Variants in NYAP2 observed in about 807,000 individuals in gnomAD.
NYAP2 encodes the protein neuronal tyrosine-phosphorylated phosphoinositide-3-kinase adapter 2.
In NYAP2, 23 loss-of-function variants were observed where a neutral mutation model predicts 50.4. The observed-to-expected ratio is 0.46, with a 90% confidence interval of 0.33 to 0.65. NYAP2 has a LOEUF of 0.65. Among genes scored for constraint, NYAP2 ranks in the 30% least tolerant of loss-of-function variants. The pLI is 0.02. For synonymous variants in NYAP2, 394 were observed against 365.2 expected (o/e 1.08, Z -0.90); for missense variants, 885 against 861.0 (o/e 1.03, Z -0.35).
chr2:225,606,278 G>T (rs373688625), intron 5 of NYAP2, among the ~76,000 whole-genome samples: 3 of 152,114 alleles, frequency 2.0e-5, no homozygotes, highest in Non-Finnish European at 4.4e-5. Flanking sequence ...AGATCAAAGT[G>T]TCCAGAGGTG....
intron 3 of NYAP2, among the ~76,000 whole-genome samples, chr2:225,481,678 A>T (rs2106165464): frequency 6.6e-6 from 1 of 152,258 alleles, no homozygotes; most frequent in Non-Finnish European, 1.5e-5. Flanking sequence ...AAGTTTGAAA[A>T]ATCACTGAAT....
intron 6 of NYAP2, among the ~76,000 whole-genome samples, chr2:225,639,572 G>T (rs2106265016): frequency 6.6e-6 from 1 of 151,948 alleles, no homozygotes. Context: ...ATGAACTTTG[G>T]GTTTCTGACT....
At chr2:225,398,902 C>T (rs1361604449), upstream of NYAP2, among the ~76,000 whole-genome samples, 7 of 151,938 alleles carry the variant, frequency 4.6e-5, no homozygotes, top group African/African-American at 1.7e-4. Context: ...TATTTTTCCC[C>T]AGATACTTAC....
intron 3 of NYAP2, among the ~76,000 whole-genome samples, chr2:225,501,815 C>A (rs2106178131): frequency 6.6e-6 from 1 of 152,282 alleles, no homozygotes; most frequent in Admixed American, 6.5e-5. Context: ...TACCCACTTT[C>A]CACTTGCTAC....
At chr2:225,640,417 G>A (rs979931998) in intron 6 of NYAP2, among the ~76,000 whole-genome samples, 4 of 152,158 alleles carry the variant, frequency 2.6e-5, no homozygotes, top group Non-Finnish European at 5.9e-5. Context: ...CACTCAGTGA[G>A]AACACTATGA....
intron 6 of NYAP2, among the ~76,000 whole-genome samples, chr2:225,641,810 C>A (rs1248919619): frequency 2.0e-5 from 3 of 151,412 alleles, no homozygotes; most frequent in African/African-American, 7.3e-5. Context: ...CAGAGTGAGA[C>A]TCCATCTCAA....
the NYAP2 span, among the ~76,000 whole-genome samples, chr2:225,677,995 GTTC>G: frequency 6.6e-6 from 1 of 152,098 alleles, no homozygotes; most frequent in Non-Finnish European, 1.5e-5. Flanking sequence ...AATGATGTCA[GTTC>G]TTCTTTGTGC....
intron 3 of NYAP2, among the ~76,000 whole-genome samples, chr2:225,445,453 A>G (rs1207555227): frequency 6.6e-6 from 1 of 152,126 alleles, no homozygotes; most frequent in Non-Finnish European, 1.5e-5. Context: ...AAAATCAGTA[A>G]GCAGATCTTA....
chr2:225,434,674 C>T (rs1041533762), intron 3 of NYAP2, among the ~76,000 whole-genome samples: 1 of 152,148 alleles, frequency 6.6e-6, no homozygotes, highest in Non-Finnish European at 1.5e-5. Flanking sequence ...AGACTGTACA[C>T]TGTCTTATTT....
chr2:225,578,788 G>A (rs892365471), intron 4 of NYAP2, among the ~76,000 whole-genome samples: 25 of 152,084 alleles, frequency 1.6e-4, no homozygotes, highest in African/African-American at 4.1e-4. Context: ...AATGTTCATC[G>A]TTCATCTGTA....
intron 6 of NYAP2, among the ~76,000 whole-genome samples, chr2:225,640,912 A>G (rs1693516213): frequency 6.6e-6 from 1 of 152,208 alleles, no homozygotes; most frequent in Admixed American, 6.5e-5. Context: ...CTTGATAGTA[A>G]TTTCATTCTC....
Position 225,452,896 on chromosome 2 carries a change from C to T in NYAP2, c.221+43795C>T, listed in dbSNP as rs1025779474. ...TTTGGCTTTATCCTTGGCCTCTGGA[C>T]GGCACAGTAACCAAATGCCTGTTTC... On this transcript the variant is annotated intron_variant, in intron 3 of 6. Coordinates refer to ENST00000636099, the Ensembl canonical transcript of NYAP2. 4.6e-5 allele frequency among the ~76,000 whole-genome samples: 7 copies of T among 152,160 alleles called. No homozygotes were observed. The East Asian group carries it at 7.8e-4, about 17-fold the overall frequency.
chr2:225,447,747 G>T (rs546120299), intron 3 of NYAP2, among the ~76,000 whole-genome samples: 1 of 152,184 alleles, frequency 6.6e-6, no homozygotes, highest in South Asian at 2.1e-4. Flanking sequence ...CTTAGAAATG[G>T]CCAGGGAATG....
At chr2:225,625,418 G>A (rs1004420278) in intron 5 of NYAP2, among the ~76,000 whole-genome samples, 4 of 152,136 alleles carry the variant, frequency 2.6e-5, no homozygotes, top group Non-Finnish European at 5.9e-5. Context: ...ATAACTCAAG[G>A]CCTTTCGGGA....
intron 4 of NYAP2, among the ~76,000 whole-genome samples, chr2:225,543,210 T>G (rs1691507568): frequency 6.6e-6 from 1 of 152,036 alleles, no homozygotes; most frequent in African/African-American, 2.4e-5. Flanking sequence ...AAACCAACTT[T>G]CTGTTTCATT....
intron 6 of NYAP2, among the ~76,000 whole-genome samples, chr2:225,631,589 G>A (rs934262617): frequency 5.3e-5 from 8 of 152,156 alleles, no homozygotes; most frequent in Non-Finnish European, 7.4e-5. Flanking sequence ...ATGTGAAAGC[G>A]AAACTCAAAT....
the NYAP2 span, among the ~76,000 whole-genome samples, chr2:225,680,783 AAAAC>A: frequency 2.0e-5 from 3 of 152,192 alleles, no homozygotes; most frequent in Non-Finnish European, 4.4e-5. Context: ...CATTCAGAAA[AAAAC>A]AAAGCATATA....
chr2:225,601,277 C>A (rs552400368), intron 5 of NYAP2, among the ~76,000 whole-genome samples: 1 of 151,942 alleles, frequency 6.6e-6, no homozygotes, highest in African/African-American at 2.4e-5. Context: ...TGTGCCACCA[C>A]GACCAGCTAA....
intron 4 of NYAP2, among the ~76,000 whole-genome samples, chr2:225,565,570 G>C (rs935255860): frequency 6.6e-6 from 1 of 152,156 alleles, no homozygotes; most frequent in Non-Finnish European, 1.5e-5. Flanking sequence ...TAAATGTGAA[G>C]TATGTGTAAA....
Sources: gnomAD v4.1 joint callset for allele counts (sites outside exome capture counted in the v4.1 genomes callset) on GRCh38, gnomAD v4.1.1 for gene constraint, MANE v1.5 for transcripts, NCBI Gene and HGNC (gene_info 2026-07-23, HGNC 2026-07-21) for gene names.